The following ASXL2 variants were observed in gnomAD, a reference collection of about 807,000 sequenced individuals.
ASXL2 encodes putative Polycomb group protein ASXL2.
Under a neutral mutation model 122.0 loss-of-function variants are expected in ASXL2, and 23 were observed. That is an observed-to-expected ratio of 0.19 (90% CI 0.14 to 0.27). The LOEUF (loss-of-function observed/expected upper bound fraction) is 0.27, where lower values mean the gene tolerates loss of function less well. ASXL2 is among the 10% of genes least tolerant of loss of function. The pLI, the probability that ASXL2 is intolerant of heterozygous loss-of-function variation, is 1.00. For missense variants in ASXL2, 1,518 were observed against 1,713.8 expected (o/e 0.89, Z 2.02); for synonymous variants, 650 against 637.0 (o/e 1.02, Z -0.31).
At chr2:25,781,226 G>A (rs1447119128) in intron 5 of ASXL2, among the ~76,000 whole-genome samples, 1 of 151,876 alleles carries the variant, frequency 6.6e-6, no homozygotes, top group East Asian at 1.9e-4. Flanking sequence ...TCAACATTTT[G>A]CACATATCTT....
At chr2:25,825,196 C>G (rs1252133585) in intron 3 of ASXL2, among the ~76,000 whole-genome samples, 1 of 152,232 alleles carries the variant, frequency 6.6e-6, no homozygotes, top group East Asian at 1.9e-4. Flanking sequence ...TGCTCATTCT[C>G]TTTACCTTAG....
At chr2:25,842,263 G>A (rs2089591906) in intron 2 of ASXL2, among the ~76,000 whole-genome samples, 2 of 152,142 alleles carry the variant, frequency 1.3e-5, no homozygotes, top group Admixed American at 1.3e-4. Flanking sequence ...TGTCCAATAG[G>A]TGAGCGAAAG....
intron 2 of ASXL2, among the ~76,000 whole-genome samples, chr2:25,836,183 C>T (rs533584137): frequency 1.3e-5 from 2 of 152,138 alleles, no homozygotes; most frequent in South Asian, 2.1e-4. Flanking sequence ...TCAAGATGAG[C>T]CTGAGCAACA....
intron 5 of ASXL2, among the ~76,000 whole-genome samples, chr2:25,783,566 T>G (rs957951805): frequency 3.3e-5 from 5 of 152,174 alleles, no homozygotes; most frequent in African/African-American, 1.2e-4. Flanking sequence ...TTATTCTTTT[T>G]TTTCTAATTT....
chr2:25,823,703 G>A (rs192678900), intron 3 of ASXL2, among the ~76,000 whole-genome samples: 95 of 150,784 alleles, frequency 6.3e-4, no homozygotes, highest in Non-Finnish European at 1.2e-3. Flanking sequence ...AGTGAAAAAC[G>A]TTTAATACAG....
At chr2:25,784,572 G>A (rs1369747460) in intron 5 of ASXL2, among the ~76,000 whole-genome samples, 1 of 152,192 alleles carries the variant, frequency 6.6e-6, no homozygotes, top group Non-Finnish European at 1.5e-5. Flanking sequence ...ATCCAAAACT[G>A]ATGTGTCAGC....
At chr2:25,860,113 G>T (rs1008226215) in intron 1 of ASXL2, among the ~76,000 whole-genome samples, 1 of 151,934 alleles carries the variant, frequency 6.6e-6, no homozygotes, top group Non-Finnish European at 1.5e-5. Context: ...CCTGACGTCG[G>T]GAGTACTGAC....
intron 9 of ASXL2, 133 bp downstream of exon 9, chr2:25,759,348 TA>T: frequency 1.1e-6 from 1 of 917,266 alleles, no homozygotes; most frequent in Non-Finnish European, 1.6e-6. Flanking sequence ...TTTTTTTTCC[TA>T]AGCCTTAAAA....
In ASXL2 at chr2:25,740,654, AAAC is replaced by A. The variant is rs2149134791; in HGVS notation, c.*1372_*1374del. ...AAAAAAGGAAACAAGAAAGAAAAAG[AAAC>A]AAAAACAAGCAACCAAAAAACCTTT... On this transcript the variant is annotated 3_prime_UTR_variant, in exon 13 of 13. Coordinates refer to ENST00000435504, the MANE Select transcript of ASXL2 (RefSeq NM_018263.6). The A allele has an allele frequency of 4.4e-6, 1 of 227,254 alleles. No homozygotes were observed. Among genetic ancestry groups the A allele is most frequent in the East Asian group, 6.3e-5 (1 of 15,776 alleles). The allele number at this position is 227,254 out of a possible 1,614,324, so 14.1% of individuals were successfully genotyped here.
At chr2:25,794,135 AACT>A (rs1431247475) in intron 5 of ASXL2, among the ~76,000 whole-genome samples, 29 of 152,234 alleles carry the variant, frequency 1.9e-4, no homozygotes, top group South Asian at 4.1e-4. Context: ...TATTTTAAAT[AACT>A]CCAGACACAA....
rs1186112371 is a variant in ASXL2, at chr2:25,878,201, T to C, written c.22A>G (p.Lys8Glu). 6.2e-7 allele frequency: 1 copy of C among 1,613,754 alleles called. No homozygotes were observed. The highest frequency in any genetic ancestry group is 8.5e-7 in the Non-Finnish European group (1 of 1,179,860). Reference protein sequence around the residue: MREKGRRKKGRTWAEAAK... With the variant: MREKGRREKGRTWAEAAK... ...GCCTCCGCCCAGGTCCTGCCCTTCT[T>C]CCTACGTCCCTTTTCCCTCATGTCG... The change falls in exon 1 of 13, where the codon AAG becomes GAG. Residue 8 changes from lysine to glutamate, a missense_variant. This residue lies in a region of ASXL2 where 28 missense variants were observed against 42.2 expected (regional missense o/e 0.66). Transcript: ENST00000435504.
chr2:25,845,266 A>G (rs755759174), intron 2 of ASXL2: 1 of 679,060 alleles, frequency 1.5e-6, no homozygotes, highest in Non-Finnish European at 2.5e-6. Flanking sequence ...AAAGATAGCT[A>G]CCCTCTAAGA....
intron 3 of ASXL2, among the ~76,000 whole-genome samples, chr2:25,835,068 C>T (rs2089493044): frequency 1.3e-5 from 2 of 148,878 alleles, no homozygotes; most frequent in Admixed American, 6.7e-5. Context: ...AAGTGATCCA[C>T]CCACCTCGGC....
chr2:25,790,766 C>G (rs1174833043), intron 5 of ASXL2, among the ~76,000 whole-genome samples: 2 of 142,546 alleles, frequency 1.4e-5, no homozygotes, highest in Non-Finnish European at 3.1e-5. Context: ...AAATATGAAA[C>G]AAACAAAAAA....
Position 25,878,402 on chromosome 2 carries a change from G to C in ASXL2, c.-180C>G. 2 of 612,488 alleles carry C rather than the reference G, an allele frequency of 3.3e-6. No homozygotes were observed. The highest frequency in any genetic ancestry group is 5.6e-5 in the East Asian group (2 of 35,620). 37.9% of individuals were successfully genotyped at this position (612,488 alleles called of 1,614,324 possible). Reference sequence around the variant, plus strand: ...GGTGGTGCGCGGGGGGGTCTATGGGGCGGCCGGTCCTCTTGCTGCCGTTGC... The same window carrying C: ...GGTGGTGCGCGGGGGGGTCTATGGGCCGGCCGGTCCTCTTGCTGCCGTTGC... On this transcript the variant is annotated 5_prime_UTR_variant, in exon 1 of 13. Coordinates refer to ENST00000435504, the MANE Select transcript of ASXL2 (RefSeq NM_018263.6).
At chr2:25,876,754 A>G (rs531671432) in intron 1 of ASXL2, among the ~76,000 whole-genome samples, 21 of 152,364 alleles carry the variant, frequency 1.4e-4, no homozygotes, top group Admixed American at 7.8e-4. Context: ...GAAGATATAC[A>G]AAGACATATT....
chr2:25,832,943 T>C (rs754587364), intron 3 of ASXL2, among the ~76,000 whole-genome samples: 3 of 151,982 alleles, frequency 2.0e-5, no homozygotes, highest in Admixed American at 1.3e-4. Flanking sequence ...CAATCCCAGA[T>C]GGTTACATAC....
At chr2:25,853,060 A>C (rs1394484093) in intron 1 of ASXL2, among the ~76,000 whole-genome samples, 1 of 152,152 alleles carries the variant, frequency 6.6e-6, no homozygotes, top group Non-Finnish European at 1.5e-5. Context: ...CATAAGGGAG[A>C]CCCAAATATC....
intron 8 of ASXL2, among the ~76,000 whole-genome samples, chr2:25,760,731 C>G (rs561946496): frequency 6.6e-6 from 1 of 152,200 alleles, no homozygotes; most frequent in Non-Finnish European, 1.5e-5. Flanking sequence ...TCTGGCATTA[C>G]TACTTCAGAA....
Sources: gnomAD v4.1 joint callset for allele counts (sites outside exome capture counted in the v4.1 genomes callset) on GRCh38, gnomAD v4.1.1 for gene constraint, gnomAD v4.1.1 regional missense constraint, MANE v1.5 for transcripts, NCBI Gene and HGNC (gene_info 2026-07-23, HGNC 2026-07-21) for gene names.